Variants in LAIR1 observed in about 807,000 individuals in gnomAD.
The protein encoded by LAIR1 is leukocyte associated immunoglobulin like receptor 1.
Under a neutral mutation model 32.8 loss-of-function variants are expected in LAIR1, and 24 were observed. That is an observed-to-expected ratio of 0.73 (90% confidence interval 0.53 to 1.03). The LOEUF is 1.03. LAIR1 is among the 50% of genes least tolerant of loss of function. The probability of loss-of-function intolerance (pLI) is 0.00; values close to 1 mark genes in which losing one functional copy is unlikely to be tolerated. For synonymous variants in LAIR1, 150 were observed against 140.5 expected, an observed-to-expected ratio of 1.07 and a Z score of -0.48; for missense variants, 355 against 347.5, an observed-to-expected ratio of 1.02 and a Z score of -0.17.
chr19:54,364,810 A>C lies in LAIR1; in HGVS notation c.-6T>G, dbSNP rs372353078. 304 of 1,614,086 alleles carry C rather than the reference A, an allele frequency of 1.9e-4. No homozygotes were observed. The highest frequency in any genetic ancestry group is 6.3e-4 in the South Asian group (57 of 91,076). On this transcript the variant is annotated 5_prime_UTR_variant, in exon 1 of 10. Coordinates refer to ENST00000391742, the MANE Select transcript of LAIR1 (RefSeq NM_002287.6). This position sits in a 1 kb window ranked among gnomAD's most constrained non-coding sequence, Gnocchi z 4.8. The stretch of plus-strand genomic sequence containing the variant: ...GCGGTGGGGTGGGGAGACATGGCCC[A>C]GGTCCCAGCAGTGCAGCCTGGCCTG...
At chr19:54,357,280 G>C (rs1250130080) in intron 4 of LAIR1, 1 of 399,538 alleles carries the variant, frequency 2.5e-6, no homozygotes. Flanking sequence ...CCTACTGGAC[G>C]GTGCAGATAC....
chr19:54,359,099 T>G (rs2081878950), intron 4 of LAIR1, among the ~76,000 whole-genome samples: 1 of 149,796 alleles, frequency 6.7e-6, no homozygotes, highest in African/African-American at 2.5e-5. Context: ...GGGGTCCGGA[T>G]GGAGCACGGC....
At chr19:54,357,337 G>A in intron 4 of LAIR1, 1 of 198,086 alleles carries the variant, frequency 5.0e-6, no homozygotes, top group Non-Finnish European at 1.0e-5. Context: ...GCTAATTTCT[G>A]CCCTCTGCGG....
chr19:54,362,775 C>G (rs1388333018), intron 2 of LAIR1, among the ~76,000 whole-genome samples: 4 of 152,144 alleles, frequency 2.6e-5, no homozygotes, highest in East Asian at 1.9e-4. Context: ...TGTGAGCCAC[C>G]GCACCCAGCC....
Position 54,361,156 on chromosome 19 carries a change from C to A in LAIR1, c.124G>T (p.Gly42Trp). 1 of 1,614,180 alleles carries A rather than the reference C, an allele frequency of 6.2e-7. No homozygotes were observed. The highest frequency in any genetic ancestry group is 1.1e-5 in the South Asian group (1 of 91,086). Residue 42 changes from glycine (G) to tryptophan (W), a missense_variant, in exon 3 of 10, where the codon GGG becomes TGG. Coordinates refer to ENST00000391742, the MANE Select transcript of LAIR1 (RefSeq NM_002287.6). The stretch of plus-strand genomic sequence containing the variant: ...CGGCACACGAAAGTCACATGGCTCC[C>A]CAGGGGGATCACGGTGCCTGGCTCA... ...SAEPGTVIPL[G>W]SHVTFVCRGP...
Position 54,364,870 on chromosome 19 carries a change from G to A in LAIR1, c.-66C>T. 6.2e-7 allele frequency: 1 copy of A among 1,613,788 alleles called. No individual in the cohort carries two copies. The highest frequency in any genetic ancestry group is 8.5e-7 in the Non-Finnish European group (1 of 1,179,836). On this transcript the variant is annotated 5_prime_UTR_variant, in exon 1 of 10. Transcript: ENST00000391742. This position sits in a 1 kb window ranked among gnomAD's most constrained non-coding sequence, Gnocchi z 4.8. ...AATGCAAGGACAGAACTCTGCAGCA[G>A]ACACAAGCAGACAGGATGTGCTGCC...
Position 54,363,691 on chromosome 19 carries a change from C to T in LAIR1, c.70+604G>A, listed in dbSNP as rs180946422. ...GGACGTTAGGCTAAGTGAAATAAGC[C>T]GGGCACAGAAAGACAATTACTGCGC... On this transcript the variant is annotated intron_variant, in intron 2 of 9. Coordinates refer to ENST00000391742, the MANE Select transcript of LAIR1 (RefSeq NM_002287.6). 1.3e-4 allele frequency among the ~76,000 whole-genome samples: 20 copies of T among 152,242 alleles called. No individual in the cohort carries two copies. In the East Asian group the frequency reaches 1.7e-3, roughly 13 times the overall value.
In LAIR1 at chr19:54,355,191, G is replaced by A; in HGVS notation, c.*77C>T. The A allele has an allele frequency of 7.4e-7, 1 of 1,353,722 alleles. No individual in the cohort carries two copies. 83.9% of individuals were successfully genotyped at this position (1,353,722 alleles called of 1,614,324 possible). ...TAGATGAAGAGGAATCCAACAGGAAGCCTTCCAAATGGCTGCTTCAGGCTT... is the reference window on the plus strand; with the variant it reads ...TAGATGAAGAGGAATCCAACAGGAAACCTTCCAAATGGCTGCTTCAGGCTT... On this transcript the variant is annotated 3_prime_UTR_variant, in exon 10 of 10. Coordinates refer to ENST00000391742, the MANE Select transcript of LAIR1 (RefSeq NM_002287.6). This position sits in a 1 kb window ranked among gnomAD's most constrained non-coding sequence, Gnocchi z 4.7.
At chr19:54,367,993 C>T (rs558823622), upstream of LAIR1, among the ~76,000 whole-genome samples, 7 of 151,596 alleles carry the variant, frequency 4.6e-5, no homozygotes, top group Non-Finnish European at 8.8e-5. Context: ...AGGATGGTCT[C>T]GATCTCCTGA....
chr19:54,352,024 C>A lies in LAIR1; in HGVS notation c.*3244G>T, dbSNP rs1233123333. On this transcript the variant is annotated 3_prime_UTR_variant, in exon 10 of 10. Transcript: ENST00000391742. ...GGTCCTGGTACCTACAGTGATGGTT[C>A]TGAATAAAGCCCTCCTTACTCTGCT... 6.6e-6 allele frequency: 1 copy of A among 152,180 alleles called. No homozygotes were observed. The highest frequency in any genetic ancestry group is 2.4e-5 in the African/African-American group (1 of 41,432). The allele number at this position is 152,180 out of a possible 1,614,324, so 9.4% of individuals were successfully genotyped here.
upstream of LAIR1, among the ~76,000 whole-genome samples, chr19:54,366,576 C>T (rs1225225045): frequency 6.6e-6 from 1 of 152,088 alleles, no homozygotes; most frequent in Non-Finnish European, 1.5e-5. Context: ...GCAACCTCTG[C>T]CTCCCAGATT....
At chr19:54,362,624 A>C (rs2082080064) in intron 2 of LAIR1, among the ~76,000 whole-genome samples, 1 of 152,206 alleles carries the variant, frequency 6.6e-6, no homozygotes, top group Non-Finnish European at 1.5e-5. Flanking sequence ...AGCTGGGATT[A>C]CAGGTGCACT....
chr19:54,365,159 A>C, upstream of LAIR1: 1 of 792,300 alleles, frequency 1.3e-6, no homozygotes, highest in Non-Finnish European at 1.6e-6. Context: ...CCAACTCCAC[A>C]AGTTAACGGT....
At chr19:54,365,170 C>A, upstream of LAIR1, 2 of 678,932 alleles carry the variant, frequency 2.9e-6, no homozygotes, top group Non-Finnish European at 3.9e-6. Context: ...AGTTAACGGT[C>A]GCAGCTCTTG....
chr19:54,364,958 G>C, upstream of LAIR1: 1 of 1,531,342 alleles, frequency 6.5e-7, no homozygotes, highest in Admixed American at 2.1e-5. This position sits in a 1 kb window ranked among gnomAD's most constrained non-coding sequence, Gnocchi z 4.8. Context: ...AGAGCTTTCT[G>C]TCCTGTTCTT....
intron 2 of LAIR1, among the ~76,000 whole-genome samples, chr19:54,362,347 T>C (rs1160952930): frequency 6.6e-6 from 1 of 152,184 alleles, no homozygotes; most frequent in Non-Finnish European, 1.5e-5. Context: ...TTTAACCATA[T>C]CTCAGTTACT....
upstream of LAIR1, among the ~76,000 whole-genome samples, chr19:54,375,411 T>G (rs1445345073): frequency 3.9e-5 from 6 of 152,202 alleles, no homozygotes; most frequent in East Asian, 1.2e-3. Flanking sequence ...CCAACCGTCT[T>G]GTGGCTTCTT....
upstream of LAIR1, among the ~76,000 whole-genome samples, chr19:54,369,620 A>G (rs2082354236): frequency 6.6e-6 from 1 of 151,544 alleles, no homozygotes; most frequent in Admixed American, 6.5e-5. Context: ...CAGATTCAGC[A>G]TGGCACAGCT....
At position 54,356,602 on chromosome 19, in the gene LAIR1, CT is replaced by C. The variant is rs1426776075; in HGVS notation, c.471del (p.Gly158AlafsTer2). The C allele has an allele frequency of 9.3e-6, 15 of 1,613,798 alleles. No individual in the cohort carries two copies. Among genetic ancestry groups the C allele is most frequent in the Non-Finnish European group, 1.3e-5 (15 of 1,179,992 alleles). On this transcript the variant is annotated frameshift_variant, in exon 6 of 10. Coordinates refer to ENST00000391742, the MANE Select transcript of LAIR1 (RefSeq NM_002287.6). LOFTEE classifies it high-confidence loss of function. ...NSHNEHAPASQGLKAEHLYIL... is the reference protein window; with the variant it reads ...NSHNEHAPASXGLKAEHLYIL... ...ATATACAGATGCTCAGCTTTCAGGC[CT>C]TGGGAAGCAGGTGCATCTAAGAAAG...
Sources: gnomAD v4.1 joint callset for allele counts (sites outside exome capture counted in the v4.1 genomes callset) on GRCh38, gnomAD v4.1.1 for gene constraint, Gnocchi (gnomAD v3.1) non-coding constraint, MANE v1.5 for transcripts, NCBI Gene and HGNC (gene_info 2026-07-23, HGNC 2026-07-21) for gene names.